The following DCX variants were observed in gnomAD, a reference collection of about 807,000 sequenced individuals.
The protein encoded by DCX is neuronal migration protein doublecortin.
A neutral mutation model predicts 20.9 loss-of-function variants in DCX; 4 were observed. The ratio of observed to expected loss-of-function variants is 0.19; its 90% CI spans 0.09 to 0.44. The LOEUF is 0.44. Ranked by LOEUF, DCX falls within the 20% of genes least tolerant of loss-of-function variation. DCX has a pLI of 0.99. For synonymous variants in DCX, 103 were observed against 111.4 expected, an observed-to-expected ratio of 0.92 and a Z score of 0.47; for missense variants, 133 against 296.9, an observed-to-expected ratio of 0.45 and a Z score of 4.06.
rs183491821 is a variant in DCX, at chrX:111,329,467, T to C, written c.946+1437A>G. The stretch of plus-strand genomic sequence containing the variant: ...TACCTTTGAGGGGCTCAGCATTTAA[T>C]TGGGGAAGTAGACAGGTAAACACAT... On this transcript the variant is annotated intron_variant, in intron 5 of 6. Transcript: ENST00000636035. 3.6e-3 allele frequency among the ~76,000 whole-genome samples: 400 copies of C among 111,736 alleles called. 3 individuals are homozygous for C. The highest frequency in any genetic ancestry group is 0.012 in the African/African-American group (376 of 30,741).
At chrX:111,365,324 C>T (rs1290781893) in intron 3 of DCX, among the ~76,000 whole-genome samples, 1 of 108,757 alleles carries the variant, frequency 9.2e-6, no homozygotes, top group Non-Finnish European at 1.9e-5. Context: ...TGTGTGTGTG[C>T]TTTTTAATTT....
chrX:111,329,928 A>G (rs756688596), intron 5 of DCX, among the ~76,000 whole-genome samples: 2 of 112,429 alleles, frequency 1.8e-5, no homozygotes, highest in East Asian at 5.6e-4. Context: ...TGACAAATGT[A>G]TAAGTATTTT....
chrX:111,346,447 G>T (rs1356612854), intron 3 of DCX, among the ~76,000 whole-genome samples: 1 of 112,438 alleles, frequency 8.9e-6, no homozygotes, highest in Non-Finnish European at 1.9e-5. Context: ...GAAATAACCA[G>T]ACAGAAAAGG....
Position 111,301,368 on chromosome X carries a change from TAGAC to T in DCX, c.*315_*318del. Reference sequence around the variant, plus strand: ...AGAAGGAAGACTGTATGGGCAAAATTAGACAGGGCAAATATAACGCAGGCACCTA... The same window carrying T: ...AGAAGGAAGACTGTATGGGCAAAATTAGGGCAAATATAACGCAGGCACCTA... On this transcript the variant is annotated 3_prime_UTR_variant, in exon 7 of 7. Transcript: ENST00000636035. 1 of 319,422 alleles carries T rather than the reference TAGAC, an allele frequency of 3.1e-6. No homozygotes were observed. 26.3% of individuals were successfully genotyped at this position (319,422 alleles called of 1,213,427 possible).
At chrX:111,312,065 T>C (rs767025797) in intron 6 of DCX, among the ~76,000 whole-genome samples, 32 of 112,687 alleles carry the variant, frequency 2.8e-4, no homozygotes, top group Non-Finnish European at 3.7e-5. Context: ...GATATACTTA[T>C]TTGGAATAGT....
intron 2 of DCX, among the ~76,000 whole-genome samples, chrX:111,409,351 C>T (rs1198637203): frequency 9.0e-6 from 1 of 111,123 alleles, no homozygotes; most frequent in Non-Finnish European, 1.9e-5. Flanking sequence ...TTAGTTGCCA[C>T]ACAAAAATCT....
At position 111,379,569 on chromosome X, in the gene DCX, T is replaced by C. The variant is rs149898932; in HGVS notation, c.705+21421A>G. On this transcript the variant is annotated intron_variant, in intron 3 of 6. Transcript: ENST00000636035. ...CACTTGATTTTTTATGCCTGAATAA[T>C]ATTCCATTGCATGAATACAGCACAT... Among the ~76,000 whole-genome samples, 34 of 112,453 alleles carry C rather than the reference T, an allele frequency of 3.0e-4. No homozygotes were observed. In the East Asian group the frequency reaches 9.3e-3, roughly 31 times the overall value.
chrX:111,341,530 C>G (rs906915542), intron 3 of DCX, among the ~76,000 whole-genome samples: 22 of 110,957 alleles, frequency 2.0e-4, no homozygotes, highest in African/African-American at 7.2e-4. Flanking sequence ...GAGAACACCA[C>G]TAAGATACTC....
At chrX:111,398,480 A>G (rs375385500) in intron 3 of DCX, among the ~76,000 whole-genome samples, 3 of 111,978 alleles carry the variant, frequency 2.7e-5, no homozygotes, top group East Asian at 5.7e-4. Flanking sequence ...GACATTTTAA[A>G]GAAAGGGAAT....
chrX:111,382,276 C>A (rs766818884), intron 3 of DCX, among the ~76,000 whole-genome samples: 2 of 111,802 alleles, frequency 1.8e-5, no homozygotes, highest in Admixed American at 1.9e-4. Flanking sequence ...TTGAGACGCA[C>A]TAGAGAACAT....
Position 111,299,341 on chromosome X carries a change from A to G in DCX, c.*2346T>C, listed in dbSNP as rs1031912190. On this transcript the variant is annotated 3_prime_UTR_variant, in exon 7 of 7. Coordinates refer to ENST00000636035, the MANE Select transcript of DCX (RefSeq NM_001195553.2). Reference sequence around the variant, plus strand: ...TCAAAGGTTATCCTAAAGAAAATATATCCATTTGGTATTTTCTAGTAGTAC... The same window carrying G: ...TCAAAGGTTATCCTAAAGAAAATATGTCCATTTGGTATTTTCTAGTAGTAC... 4 of 111,688 alleles carry G rather than the reference A, an allele frequency of 3.6e-5. No homozygotes were observed. The highest frequency in any genetic ancestry group is 1.3e-4 in the African/African-American group (4 of 30,744). 9.2% of individuals were successfully genotyped at this position (111,688 alleles called of 1,213,427 possible).
intron 5 of DCX, 139 bp downstream of exon 5, chrX:111,330,765 C>G (rs1921142305): frequency 2.2e-6 from 2 of 922,649 alleles, no homozygotes; most frequent in South Asian, 4.1e-5. Context: ...ACAAGTTTGA[C>G]TGTTTTAGTC....
intron 5 of DCX, 54 bp downstream of exon 5, chrX:111,330,850 G>A (rs1272853157): frequency 8.3e-7 from 1 of 1,201,407 alleles, no homozygotes; most frequent in Non-Finnish European, 1.1e-6. Flanking sequence ...CATGCAGAAA[G>A]TATTGTCCTC....
intron 5 of DCX, among the ~76,000 whole-genome samples, chrX:111,325,720 C>T (rs1473005020): frequency 1.8e-5 from 2 of 111,379 alleles, no homozygotes; most frequent in Admixed American, 9.6e-5. Context: ...AAATACAACT[C>T]AATTTCAAAG....
chrX:111,343,030 T>C (rs1922425763), intron 3 of DCX, among the ~76,000 whole-genome samples: 1 of 107,740 alleles, frequency 9.3e-6, no homozygotes, highest in East Asian at 2.9e-4. Context: ...AGCAAACTAA[T>C]CCAAAAGCTA....
At chrX:111,310,335 A>AAAAT (rs1436469231) in intron 6 of DCX, among the ~76,000 whole-genome samples, 5 of 111,242 alleles carry the variant, frequency 4.5e-5, no homozygotes, top group South Asian at 3.7e-4. Flanking sequence ...TCCATCTCAA[A>AAAAT]AAATAAATAA....
intron 5 of DCX, among the ~76,000 whole-genome samples, chrX:111,321,614 C>A (rs1275313751): frequency 9.0e-6 from 1 of 111,168 alleles, no homozygotes; most frequent in Non-Finnish European, 1.9e-5. Flanking sequence ...TCCCAAAGAA[C>A]AATGAGAGAG....
At position 111,296,389 on chromosome X, in the gene DCX, G is replaced by T. The variant is rs1179162353; in HGVS notation, c.*5298C>A. On this transcript the variant is annotated 3_prime_UTR_variant, in exon 7 of 7. Coordinates refer to ENST00000636035, the MANE Select transcript of DCX (RefSeq NM_001195553.2). ...GAATTCTATACTCCCCTAGTCTCAG[G>T]CATCCAAGGTAAGAAAAAATCACCT... 9.0e-6 allele frequency: 1 copy of T among 111,409 alleles called. No individual in the cohort carries two copies. The highest frequency in any genetic ancestry group is 1.9e-5 in the Non-Finnish European group (1 of 53,127). The allele number at this position is 111,409 out of a possible 1,213,427, so 9.2% of individuals were successfully genotyped here.
rs2095026993 is a variant in DCX, at chrX:111,298,733, T to C, written c.*2954A>G. 1 of 112,048 alleles carries C rather than the reference T, an allele frequency of 8.9e-6. No individual in the cohort carries two copies. Among genetic ancestry groups the C allele is most frequent in the Non-Finnish European group, 1.9e-5 (1 of 53,179 alleles). The allele number at this position is 112,048 out of a possible 1,213,427, so 9.2% of individuals were successfully genotyped here. ...GCTATAATTCAATCTAGGCTAATAC[T>C]AAAGTCCATAAGGACACAAAGCAGT... On this transcript the variant is annotated 3_prime_UTR_variant, in exon 7 of 7. Transcript: ENST00000636035.
Sources: gnomAD v4.1 joint callset for allele counts (sites outside exome capture counted in the v4.1 genomes callset) on GRCh38, gnomAD v4.1.1 for gene constraint, MANE v1.5 for transcripts, NCBI Gene and HGNC (gene_info 2026-07-23, HGNC 2026-07-21) for gene names.